Variants in TCF4 observed in about 807,000 individuals in gnomAD.
The protein encoded by TCF4 is transcription factor 4.
A neutral mutation model predicts 82.1 loss-of-function variants in TCF4; 3 were observed. The observed-to-expected ratio is 0.04, with a 90% CI of 0.02 to 0.09. The LOEUF is 0.09. Ranked by LOEUF, TCF4 falls within the 10% of genes least tolerant of loss-of-function variation. The pLI is 1.00. For missense variants in TCF4, 518 were observed against 852.7 expected, an observed-to-expected ratio of 0.61 and a Z score of 4.89; for synonymous variants, 276 against 309.6, an observed-to-expected ratio of 0.89 and a Z score of 1.14.
chr18:55,458,237 T>C (rs2144683572), intron 5 of TCF4, among the ~76,000 whole-genome samples: 1 of 152,362 alleles, frequency 6.6e-6, no homozygotes, highest in Non-Finnish European at 1.5e-5. Flanking sequence ...GCTTTTACCC[T>C]GATGCGACAT....
chr18:55,620,811 T>TC (rs1449440510), intron 2 of TCF4, among the ~76,000 whole-genome samples: 1 of 151,838 alleles, frequency 6.6e-6, no homozygotes, highest in African/African-American at 2.4e-5. Flanking sequence ...TTTTTTTTTT[T>TC]TTTGGTTCTT....
At position 55,327,989 on chromosome 18, in the gene TCF4, T is replaced by A. The variant is rs1436309078; in HGVS notation, c.549+22370A>T. Among the ~76,000 whole-genome samples the A allele has an allele frequency of 1.3e-5, 2 of 152,126 alleles. 1 individual carries two copies. The highest frequency in any genetic ancestry group is 4.1e-4 in the South Asian group (2 of 4,822). ...CCATTATCTACATGAACATAACATC[T>A]TCTAGGAAATTCAACAAACCAGAGA... On this transcript the variant is annotated intron_variant, in intron 8 of 19. Transcript: ENST00000354452.
chr18:55,253,525 T>C (rs1335762467), intron 15 of TCF4, among the ~76,000 whole-genome samples: 2 of 152,284 alleles, frequency 1.3e-5, no homozygotes, highest in East Asian at 3.9e-4. Flanking sequence ...AAGAAGAGTC[T>C]CTGAATCTTC....
intron 8 of TCF4, among the ~76,000 whole-genome samples, chr18:55,287,559 C>T (rs1319106776): frequency 6.6e-6 from 1 of 152,094 alleles, no homozygotes; most frequent in Non-Finnish European, 1.5e-5. Context: ...ATCCAGGAGA[C>T]GGCACCAGGA....
chr18:55,322,354 G>C (rs1602616899), intron 8 of TCF4: 1 of 1,009,078 alleles, frequency 9.9e-7, no homozygotes. Flanking sequence ...TCTGCTGCTG[G>C]CTAGCTCCCA....
chr18:55,306,001 C>A (rs1368487017), intron 8 of TCF4, among the ~76,000 whole-genome samples: 2 of 152,194 alleles, frequency 1.3e-5, no homozygotes, highest in Non-Finnish European at 2.9e-5. Flanking sequence ...CCCCTTCCGA[C>A]TCTACTCCCA....
intron 6 of TCF4, among the ~76,000 whole-genome samples, chr18:55,374,325 A>T (rs2090156521): frequency 6.6e-6 from 1 of 151,960 alleles, no homozygotes; most frequent in Non-Finnish European, 1.5e-5. Flanking sequence ...GTAGATTATC[A>T]ATGAAACCAA....
At chr18:55,405,295 T>A (rs748325355) in intron 5 of TCF4, among the ~76,000 whole-genome samples, 1 of 152,196 alleles carries the variant, frequency 6.6e-6, no homozygotes, top group African/African-American at 2.4e-5. Context: ...TTACATCACT[T>A]ACTTTGATGT....
intron 8 of TCF4, among the ~76,000 whole-genome samples, chr18:55,335,427 T>G (rs2078428483): frequency 6.6e-6 from 1 of 152,218 alleles, no homozygotes; most frequent in Non-Finnish European, 1.5e-5. Context: ...GGAGACATTA[T>G]TTCTCCTATG....
intron 6 of TCF4, among the ~76,000 whole-genome samples, chr18:55,355,607 T>C (rs182786805): frequency 6.2e-4 from 95 of 152,294 alleles, no homozygotes; most frequent in African/African-American, 2.1e-3. Context: ...AAGCTCAAAA[T>C]TGAAGGTCAG....
rs914632428 is a variant in TCF4 at position 55,238,044 on chromosome 18, A to T, written c.1351-3361T>A. Among the ~76,000 whole-genome samples the T allele has an allele frequency of 1.4e-4, 21 of 152,368 alleles. No homozygotes were observed. In the South Asian group the frequency reaches 2.1e-3, roughly 15 times the overall value. ...CATAGAATGACCCATGTCTGCTTCA[A>T]AATGAGCTGGGGCATCCAATGATCT... On this transcript the variant is annotated intron_variant, in intron 15 of 19. Transcript: ENST00000354452.
intron 5 of TCF4, among the ~76,000 whole-genome samples, chr18:55,421,470 A>G (rs1462627922): frequency 6.6e-6 from 1 of 152,220 alleles, no homozygotes; most frequent in Admixed American, 6.5e-5. Context: ...AAGGCGTATT[A>G]TAATCTTTAT....
chr18:55,548,954 T>C (rs1439084083), intron 3 of TCF4, among the ~76,000 whole-genome samples: 1 of 152,194 alleles, frequency 6.6e-6, no homozygotes, highest in Non-Finnish European at 1.5e-5. Flanking sequence ...TACACTACCG[T>C]AGACTTTATC....
At chr18:55,456,538 C>T (rs1568090088) in intron 5 of TCF4, among the ~76,000 whole-genome samples, 1 of 152,166 alleles carries the variant, frequency 6.6e-6, no homozygotes, top group Non-Finnish European at 1.5e-5. Context: ...CTCACTTATC[C>T]TCAATCTAGC....
chr18:55,504,164 T>A (rs1396637433), intron 3 of TCF4, among the ~76,000 whole-genome samples: 2 of 152,210 alleles, frequency 1.3e-5, no homozygotes, highest in East Asian at 3.9e-4. Flanking sequence ...TGATCATCTA[T>A]CAGGTAGCAA....
At chr18:55,253,584 GA>G (rs1390280827) in intron 15 of TCF4, among the ~76,000 whole-genome samples, 1 of 151,918 alleles carries the variant, frequency 6.6e-6, no homozygotes, top group Admixed American at 6.6e-5. Context: ...CAAAAGTAAT[GA>G]GGAAAAAAAT....
Position 55,275,744 on chromosome 18 carries a change from G to A in TCF4, c.664C>T (p.His222Tyr), listed in dbSNP as rs1224463683. ...GAGGAGCTCCAAGGGTCACTGCTGT[G>A]ATGGCCATCTGTAAAGGACAAAGAC... ...PSSFFMQDGH[H>Y]SSDPWSSSSG... Residue 222 changes from histidine (H) to tyrosine (Y), a missense_variant, in exon 10 of 20, where the codon CAC (histidine) becomes TAC (tyrosine). Transcript: ENST00000354452. 2 of 1,613,716 alleles carry A rather than the reference G, an allele frequency of 1.2e-6. No individual in the cohort carries two copies. The highest frequency in any genetic ancestry group is 1.7e-6 in the Non-Finnish European group (2 of 1,179,746).
chr18:55,392,654 C>T (rs2093226562), intron 6 of TCF4, among the ~76,000 whole-genome samples: 1 of 152,054 alleles, frequency 6.6e-6, no homozygotes, highest in Non-Finnish European at 1.5e-5. Flanking sequence ...TCCCTCGGTC[C>T]AGTTATACAC....
intron 8 of TCF4, chr18:55,321,693 T>C: frequency 1.3e-6 from 2 of 1,536,166 alleles, no homozygotes; most frequent in South Asian, 1.2e-5. Flanking sequence ...TAGTAGTACA[T>C]CAAAGAGTTG....
Sources: allele counts gnomAD v4.1 joint callset (sites outside exome capture counted in the v4.1 genomes callset), GRCh38; gene constraint gnomAD v4.1.1; transcripts MANE v1.5; gene names NCBI Gene and HGNC (gene_info 2026-07-23, HGNC 2026-07-21).